The following AGBL5 variants were observed in gnomAD, a reference collection of about 807,000 sequenced individuals.
The protein encoded by AGBL5 is cytosolic carboxypeptidase-like protein 5.
In AGBL5, 51 loss-of-function variants were observed where a neutral mutation model predicts 88.0. The ratio of observed to expected loss-of-function variants is 0.58; its 90% CI spans 0.46 to 0.73. AGBL5 has a LOEUF of 0.73. AGBL5 is among the 30% of genes least tolerant of loss of function. The pLI, the probability that AGBL5 is intolerant of heterozygous loss-of-function variation, is 0.00. For synonymous variants in AGBL5, 446 were observed against 438.8 expected (o/e 1.02, Z -0.21); for missense variants, 1,031 against 1,162.2 (o/e 0.89, Z 1.64).
Position 27,053,663 on chromosome 2 carries a change from A to G in AGBL5, c.387+90A>G. On this transcript the variant is annotated intron_variant, in intron 3 of 14. Coordinates refer to ENST00000360131, the MANE Select transcript of AGBL5 (RefSeq NM_021831.6). This position sits in a 1 kb window ranked among gnomAD's most constrained non-coding sequence, Gnocchi z 4.9. ...TTTTTTTTCCTTGATACAAGTATGAAGCAGGTGGGACAACAGGTTTAAGTA... is the reference window on the plus strand; with the variant it reads ...TTTTTTTTCCTTGATACAAGTATGAGGCAGGTGGGACAACAGGTTTAAGTA... 1 of 1,492,906 alleles carries G rather than the reference A, an allele frequency of 6.7e-7. No individual in the cohort carries two copies. Among genetic ancestry groups the G allele is most frequent in the Non-Finnish European group, 8.9e-7 (1 of 1,117,668 alleles). 92.5% of individuals were successfully genotyped at this position (1,492,906 alleles called of 1,614,324 possible). A position where few individuals can be genotyped will look rare whatever the true frequency, so the allele number is the denominator to read the frequency against.
intron 11 of AGBL5, among the ~76,000 whole-genome samples, chr2:27,059,858 G>A (rs1172352173): frequency 2.0e-5 from 3 of 152,126 alleles, no homozygotes; most frequent in African/African-American, 4.8e-5. Flanking sequence ...CATTAAGGAA[G>A]TGATACCGGG....
rs767272470 is a variant in AGBL5 at position 27,052,970 on chromosome 2, C to T, written c.12C>T (p.Arg4=). The T allele has an allele frequency of 1.2e-6, 2 of 1,606,750 alleles. No homozygotes were observed. The highest frequency in any genetic ancestry group is 8.5e-7 in the Non-Finnish European group (1 of 1,175,416). The part of the protein sequence containing the change: MEL[R]CGGLLFSSRF... ...TTCCCAGCCCCACCATGGAGCTGCG[C>T]TGTGGGGGATTGCTGTTCAGTTCTC... The change falls in exon 2 of 15, where the codon CGC becomes CGT. Residue 4 remains arginine, a synonymous_variant. Coordinates refer to ENST00000360131, the MANE Select transcript of AGBL5 (RefSeq NM_021831.6).
At chr2:27,067,073 ACT>A (rs1423500812) in intron 11 of AGBL5, among the ~76,000 whole-genome samples, 1 of 151,302 alleles carries the variant, frequency 6.6e-6, no homozygotes, top group Non-Finnish European at 1.5e-5. Context: ...ACAAAGCGAG[ACT>A]CTGTCTCAAA....
intron 12 of AGBL5, 89 bp downstream of exon 12, chr2:27,067,735 C>G: frequency 2.9e-5 from 42 of 1,440,494 alleles, no homozygotes; most frequent in Non-Finnish European, 3.7e-5. Flanking sequence ...AGACCAGGGG[C>G]ATCACTTATC....
chr2:27,067,603 C>A lies in AGBL5; in HGVS notation c.2199C>A (p.His733Gln). Residue 733 changes from histidine to glutamine, a missense_variant, in exon 12 of 15, where the codon CAC becomes CAA. Physicochemically the swap from His to Gln is conservative, Grantham distance 24. This residue lies in a region of AGBL5 where 491 missense variants were observed against 484.0 expected (regional missense o/e 1.01). Coordinates refer to ENST00000360131, the MANE Select transcript of AGBL5 (RefSeq NM_021831.6). Reference sequence around the variant, plus strand: ...CTAGTTCTGGCCCAGCCTCCTCACACAAGCTGGGCTCCTGTCTACTGCCTG... The same window carrying A: ...CTAGTTCTGGCCCAGCCTCCTCACAAAAGCTGGGCTCCTGTCTACTGCCTG... ...APTSSGPASS[H>Q]KLGSCLLPDS... 6.2e-7 allele frequency: 1 copy of A among 1,613,984 alleles called. No homozygotes were observed. The highest frequency in any genetic ancestry group is 8.5e-7 in the Non-Finnish European group (1 of 1,179,942).
At chr2:27,069,512 A>G in intron 13 of AGBL5, 61 bp from the exon 14 acceptor site, 1 of 1,587,370 alleles carries the variant, frequency 6.3e-7, no homozygotes, top group Non-Finnish European at 8.6e-7. Flanking sequence ...TCTAGAAGCA[A>G]ACTAAAAGCA....
chr2:27,054,718 C>T lies in AGBL5; in HGVS notation c.640C>T (p.His214Tyr), dbSNP rs1225195131. Residue 214 changes from histidine (H) to tyrosine (Y), a missense_variant, in exon 5 of 15, where the codon CAT becomes TAT. Physicochemically the swap from His to Tyr is moderately conservative, Grantham distance 83 (BLOSUM62 2). This residue lies in a region of AGBL5 where 540 missense variants were observed against 678.2 expected (regional missense o/e 0.80). Coordinates refer to ENST00000360131, the MANE Select transcript of AGBL5 (RefSeq NM_021831.6). ...AGATCTGCTGACGATCACTTCCTGC[C>T]ATGGGCTTCGAGAAGATCGAGAGCC... ...RVDLLTITSC[H>Y]GLREDREPRL... The T allele has an allele frequency of 6.5e-7, 1 of 1,535,770 alleles. No individual in the cohort carries two copies. The highest frequency in any genetic ancestry group is 8.8e-7 in the Non-Finnish European group (1 of 1,139,108).
rs754668663 is a variant in AGBL5, at chr2:27,058,387, G to C, written c.1672-13G>C. The C allele has an allele frequency of 6.8e-6, 11 of 1,612,544 alleles. No individual in the cohort carries two copies. The East Asian group carries it at 2.5e-4, about 36-fold the overall frequency. On this transcript the variant is annotated splice_polypyrimidine_tract_variant and intron_variant, in intron 9 of 14. Coordinates refer to ENST00000360131, the MANE Select transcript of AGBL5 (RefSeq NM_021831.6). ...AGGACCAGCATGCTGAGCCAAACTG[G>C]ACTACCCCACAGGTGGGACGAGCTA...
In AGBL5 at chr2:27,055,157, G is replaced by C; in HGVS notation, c.812G>C (p.Arg271Pro). The C allele has an allele frequency of 6.2e-7, 1 of 1,614,178 alleles. No individual in the cohort carries two copies. Among genetic ancestry groups the C allele is most frequent in the Non-Finnish European group, 8.5e-7 (1 of 1,180,024 alleles). ...AATGGCTTTCTGGACTTCATCCTCCGACCTGATGATCCCCGGGCCCAAACC... is the reference window on the plus strand; with the variant it reads ...AATGGCTTTCTGGACTTCATCCTCCCACCTGATGATCCCCGGGCCCAAACC... The part of the protein sequence containing the change: ...VFNGFLDFIL[R>P]PDDPRAQTLR... The change falls in exon 6 of 15, where the codon CGA becomes CCA. Residue 271 changes from arginine (R) to proline (P), a missense_variant. Around this residue, in one of 2 missense-constraint regions of AGBL5, gnomAD observed 540 missense variants for 678.2 expected, o/e 0.80. Coordinates refer to ENST00000360131, the MANE Select transcript of AGBL5 (RefSeq NM_021831.6).
Position 27,052,898 on chromosome 2 carries a change from C to T in AGBL5, c.-46-15C>T. The T allele has an allele frequency of 6.9e-7, 1 of 1,446,502 alleles. No homozygotes were observed. The highest frequency in any genetic ancestry group is 9.3e-7 in the Non-Finnish European group (1 of 1,079,756). The allele number at this position is 1,446,502 out of a possible 1,614,324, so 89.6% of individuals were successfully genotyped here. On this transcript the variant is annotated splice_polypyrimidine_tract_variant and intron_variant, in intron 1 of 14. Coordinates refer to ENST00000360131, the MANE Select transcript of AGBL5 (RefSeq NM_021831.6). ...CTTCCCTTTCCTCCTTAACCTAACC[C>T]TTGTTTTCCCCCAGCTCTCAGGGCC...
chr2:27,059,129 A>T (rs1234617906), intron 10 of AGBL5, 61 bp from the exon 11 acceptor site: 3 of 1,512,698 alleles, frequency 2.0e-6, no homozygotes, highest in Non-Finnish European at 1.8e-6. Context: ...AGCAGATCCT[A>T]GGGAAAGCCT....
chr2:27,059,493 C>G, intron 11 of AGBL5, 89 bp downstream of exon 11: 2 of 1,583,564 alleles, frequency 1.3e-6, no homozygotes, highest in Middle Eastern at 3.4e-4. Context: ...TACTGTTGGC[C>G]CAGGACCAAG....
upstream of AGBL5, among the ~76,000 whole-genome samples, chr2:27,050,804 A>G (rs181156900): frequency 6.6e-6 from 1 of 152,348 alleles, no homozygotes; most frequent in East Asian, 1.9e-4. Flanking sequence ...CAGTTGGTAG[A>G]GCGGAGGACT....
At chr2:27,058,962 T>C (rs959493725) in intron 10 of AGBL5, among the ~76,000 whole-genome samples, 9 of 152,322 alleles carry the variant, frequency 5.9e-5, no homozygotes, top group Admixed American at 1.3e-4. Flanking sequence ...GTGAAATTCA[T>C]TGGGAGATAA....
chr2:27,052,578 C>T (rs116706380), intron 1 of AGBL5: 44 of 158,778 alleles, frequency 2.8e-4, no homozygotes, highest in Middle Eastern at 3.1e-3. Context: ...GAAAATCTGA[C>T]CTCTCTGATT....
At chr2:27,054,924 G>A (rs1305052445) in intron 5 of AGBL5, 117 bp downstream of exon 5, 1 of 1,494,822 alleles carries the variant, frequency 6.7e-7, no homozygotes, top group East Asian at 2.3e-5. Context: ...CCCGCAGCGT[G>A]CGGCAAGGGT....
upstream of AGBL5, chr2:27,050,942 G>A (rs1364888102): frequency 2.0e-5 from 3 of 152,202 alleles, no homozygotes; most frequent in Non-Finnish European, 4.4e-5. Context: ...GGCCTCCTGT[G>A]ACTTAGCATT....
rs554520635 is a variant in AGBL5, at chr2:27,066,285, G to A, written c.2090-1209G>A. ...GGTGAATGCAGAGATAGAATTGTAG[G>A]ATTTGATTACACAAATGCAAATCTA... is the stretch of plus-strand genomic sequence containing the variant. On this transcript the variant is annotated intron_variant, in intron 11 of 14. Transcript: ENST00000360131. Among the ~76,000 whole-genome samples, 4 of 151,028 alleles carry A rather than the reference G, an allele frequency of 2.6e-5. No individual in the cohort carries two copies. The South Asian group carries it at 8.4e-4, about 32-fold the overall frequency.
chr2:27,057,001 A>T, intron 8 of AGBL5: 1 of 588,342 alleles, frequency 1.7e-6, no homozygotes, highest in Non-Finnish European at 2.8e-6. Flanking sequence ...CGTCTCAAAA[A>T]AAAAACAAAA....
Sources: gnomAD v4.1 joint callset for allele counts (sites outside exome capture counted in the v4.1 genomes callset) on GRCh38, gnomAD v4.1.1 for gene constraint, gnomAD v4.1.1 regional missense constraint, Gnocchi (gnomAD v3.1) non-coding constraint, MANE v1.5 for transcripts, NCBI Gene and HGNC (gene_info 2026-07-23, HGNC 2026-07-21) for gene names.